The following TMEM200A variants were observed in gnomAD, a reference collection of about 807,000 sequenced individuals.
The protein encoded by TMEM200A is transmembrane protein 200A.
A neutral mutation model predicts 24.3 loss-of-function variants in TMEM200A; 12 were observed. That is an observed-to-expected ratio of 0.49 (90% CI 0.32 to 0.80). TMEM200A has a LOEUF of 0.80. Among genes scored for constraint, TMEM200A ranks in the 30% least tolerant of loss-of-function variants. The pLI, the probability that TMEM200A is intolerant of heterozygous loss-of-function variation, is 0.04. For missense variants in TMEM200A, 545 were observed against 614.4 expected (o/e 0.89, Z 1.19); for synonymous variants, 224 against 224.4 (o/e 1.00, Z 0.02).
chr6:130,387,336 G>C (rs1373070525), intron 2 of TMEM200A, among the ~76,000 whole-genome samples: 1 of 152,142 alleles, frequency 6.6e-6, no homozygotes, highest in Non-Finnish European at 1.5e-5. Flanking sequence ...GCAATGGCGT[G>C]ATCTCGGCTG....
At chr6:130,421,909 G>A (rs764971178) in intron 2 of TMEM200A, among the ~76,000 whole-genome samples, 62 of 152,082 alleles carry the variant, frequency 4.1e-4, no homozygotes, top group Admixed American at 2.4e-3. Context: ...GTGGGTGTGT[G>A]TATATATGTA....
Position 130,434,452 on chromosome 6 carries a change from T to C in TMEM200A, c.-16-5955T>C, listed in dbSNP as rs144221464. On this transcript the variant is annotated intron_variant, in intron 2 of 2. Coordinates refer to ENST00000296978, the MANE Select transcript of TMEM200A (RefSeq NM_001258277.2). ...GTAATTATAATTATCTCAAATATAA[T>C]TGAACCATGTCTAATGTATTATAGG... Among the ~76,000 whole-genome samples the C allele has an allele frequency of 6.6e-3, 998 of 152,326 alleles. 4 individuals are homozygous for C. The highest frequency in any genetic ancestry group is 9.8e-3 in the Non-Finnish European group (664 of 68,030).
intron 1 of TMEM200A, among the ~76,000 whole-genome samples, chr6:130,370,890 G>T (rs1280450223): frequency 5.9e-5 from 9 of 152,166 alleles, no homozygotes; most frequent in African/African-American, 2.2e-4. Context: ...GTGAAAGTTT[G>T]AACAGGGAGC....
chr6:130,412,853 G>T (rs929781867), intron 2 of TMEM200A, among the ~76,000 whole-genome samples: 12 of 152,158 alleles, frequency 7.9e-5, no homozygotes, highest in Admixed American at 5.9e-4. Flanking sequence ...TAATTGAAGA[G>T]AAATTATTTC....
chr6:130,441,531 G>A lies in TMEM200A; in HGVS notation c.1109G>A (p.Gly370Glu), dbSNP rs1320524888. 1.2e-6 allele frequency: 2 copies of A among 1,613,944 alleles called. No homozygotes were observed. The highest frequency in any genetic ancestry group is 1.3e-5 in the African/African-American group (1 of 74,902). The change falls in exon 3 of 3, where the codon GGA (glycine) becomes GAA (glutamate). Residue 370 changes from glycine to glutamate, a missense_variant. Gly to Glu is a moderately conservative substitution (Grantham distance 98). Transcript: ENST00000296978. Reference sequence around the variant, plus strand: ...TCTATGGCTCTCGGACCTGGGGCTGGACAGCTCTTGTCTCCTGGGGCTGCC... The same window carrying A: ...TCTATGGCTCTCGGACCTGGGGCTGAACAGCTCTTGTCTCCTGGGGCTGCC... ...KSSMALGPGA[G>E]QLLSPGAARR...
chr6:130,369,208 A>T (rs1778253657), intron 1 of TMEM200A, among the ~76,000 whole-genome samples: 1 of 152,340 alleles, frequency 6.6e-6, no homozygotes, highest in East Asian at 1.9e-4. Context: ...GTTTTCCATG[A>T]ATTTTCACAA....
chr6:130,394,373 G>A (rs1160853739), intron 2 of TMEM200A, among the ~76,000 whole-genome samples: 1 of 152,186 alleles, frequency 6.6e-6, no homozygotes, highest in Admixed American at 6.5e-5. Flanking sequence ...ACCTCTGCCA[G>A]CAGGTTTCTG....
intron 2 of TMEM200A, among the ~76,000 whole-genome samples, chr6:130,386,960 T>C (rs533753103): frequency 6.6e-6 from 1 of 152,284 alleles, no homozygotes; most frequent in East Asian, 1.9e-4. Context: ...AACCGTCCAG[T>C]TATGGTGGAG....
At chr6:130,411,117 C>T (rs749003660) in intron 2 of TMEM200A, among the ~76,000 whole-genome samples, 2 of 151,446 alleles carry the variant, frequency 1.3e-5, no homozygotes, top group East Asian at 3.9e-4. Context: ...TGCAGTGAGC[C>T]GAGATTGTGC....
intron 2 of TMEM200A, among the ~76,000 whole-genome samples, chr6:130,413,395 G>C (rs1415431599): frequency 1.3e-5 from 2 of 152,136 alleles, no homozygotes; most frequent in African/African-American, 4.8e-5. Context: ...ATGTCTCACA[G>C]GCATTTCAGA....
chr6:130,418,839 C>G (rs1023257129), intron 2 of TMEM200A, among the ~76,000 whole-genome samples: 1 of 152,014 alleles, frequency 6.6e-6, no homozygotes, highest in African/African-American at 2.4e-5. Flanking sequence ...TTTTGTTATG[C>G]ATAGAATGTG....
chr6:130,436,386 T>G (rs1780010692), intron 2 of TMEM200A, among the ~76,000 whole-genome samples: 1 of 151,268 alleles, frequency 6.6e-6, no homozygotes, highest in Admixed American at 6.6e-5. Context: ...TTAACAGGAT[T>G]CTTACATTTC....
At chr6:130,388,025 T>C (rs533166830) in intron 2 of TMEM200A, among the ~76,000 whole-genome samples, 3 of 152,166 alleles carry the variant, frequency 2.0e-5, no homozygotes, top group Middle Eastern at 3.4e-3. Flanking sequence ...ATGATGGGAG[T>C]TGAAGGTAGC....
intron 2 of TMEM200A, among the ~76,000 whole-genome samples, chr6:130,428,884 AGC>A (rs1451037377): frequency 6.6e-6 from 1 of 152,196 alleles, no homozygotes; most frequent in East Asian, 1.9e-4. Context: ...AAAAATCAGT[AGC>A]CTTCCTACAT....
intron 2 of TMEM200A, among the ~76,000 whole-genome samples, chr6:130,420,805 C>T (rs1779564332): frequency 6.6e-6 from 1 of 152,034 alleles, no homozygotes; most frequent in Middle Eastern, 3.2e-3. Context: ...CACAAGGGGA[C>T]GTTTTCTCAG....
At chr6:130,403,209 T>G (rs73614180) in intron 2 of TMEM200A, among the ~76,000 whole-genome samples, 2,453 of 152,204 alleles carry the variant, frequency 0.016, 67 homozygotes, top group African/African-American at 0.052. Context: ...ATTACTAAAT[T>G]GAACTCTTTT....
chr6:130,416,678 A>C (rs890049478), intron 2 of TMEM200A, among the ~76,000 whole-genome samples: 1 of 152,122 alleles, frequency 6.6e-6, no homozygotes, highest in Admixed American at 6.6e-5. Context: ...GGCTTCTTAA[A>C]TGGCCTTCCT....
At chr6:130,383,094 T>C (rs1187190287) in intron 1 of TMEM200A, 7 of 983,696 alleles carry the variant, frequency 7.1e-6, no homozygotes, top group Non-Finnish European at 8.4e-6. Context: ...CAGGCATTAT[T>C]AAATTTGTCA....
At chr6:130,368,143 C>G (rs1778228479) in intron 1 of TMEM200A, among the ~76,000 whole-genome samples, 1 of 152,150 alleles carries the variant, frequency 6.6e-6, no homozygotes, top group African/African-American at 2.4e-5. Context: ...CTTTTGAATA[C>G]TACAGGAGTT....
Sources: gnomAD v4.1 joint callset for allele counts (sites outside exome capture counted in the v4.1 genomes callset) on GRCh38, gnomAD v4.1.1 for gene constraint, MANE v1.5 for transcripts, NCBI Gene and HGNC (gene_info 2026-07-23, HGNC 2026-07-21) for gene names.